Variants in NRXN1 observed in about 807,000 individuals in gnomAD.
NRXN1 encodes the protein neurexin-1.
A neutral mutation model predicts 150.9 loss-of-function variants in NRXN1; 39 were observed. That is an observed-to-expected ratio of 0.26 (90% CI 0.20 to 0.34). The LOEUF (loss-of-function observed/expected upper bound fraction) is 0.34. Among genes scored for constraint, NRXN1 ranks in the 10% least tolerant of loss-of-function variants. The pLI is 1.00. For synonymous variants in NRXN1, 924 were observed against 757.0 expected, an observed-to-expected ratio of 1.22 and a Z score of -3.62; for missense variants, 1,815 against 1,949.9, an observed-to-expected ratio of 0.93 and a Z score of 1.30.
intron 5 of NRXN1, among the ~76,000 whole-genome samples, chr2:50,808,849 C>G (rs1011293656): frequency 2.0e-5 from 3 of 152,108 alleles, no homozygotes; most frequent in Non-Finnish European, 4.4e-5. Context: ...AGAACCATAA[C>G]AAGCTTTAAG....
intron 18 of NRXN1, among the ~76,000 whole-genome samples, chr2:50,189,803 C>T (rs778826705): frequency 2.0e-5 from 3 of 152,090 alleles, no homozygotes; most frequent in African/African-American, 2.4e-5. Flanking sequence ...GGCCTGCAAT[C>T]ATTTAAAGTT....
chr2:50,890,512 G>A (rs894874627), intron 5 of NRXN1, among the ~76,000 whole-genome samples: 3 of 151,592 alleles, frequency 2.0e-5, no homozygotes, highest in African/African-American at 4.8e-5. Flanking sequence ...AATGTGAATC[G>A]TTAGTTTTGT....
intron 8 of NRXN1, among the ~76,000 whole-genome samples, chr2:50,581,840 A>C (rs1672311520): frequency 6.6e-6 from 1 of 152,168 alleles, no homozygotes; most frequent in Non-Finnish European, 1.5e-5. Context: ...AAGAGCATAC[A>C]GTTACTTAGA....
chr2:50,493,929 G>C (rs2091411945), intron 15 of NRXN1, among the ~76,000 whole-genome samples: 1 of 152,110 alleles, frequency 6.6e-6, no homozygotes, highest in Admixed American at 6.5e-5. Flanking sequence ...TACTTACAGT[G>C]TTTTTTCTTT....
intron 5 of NRXN1, among the ~76,000 whole-genome samples, chr2:50,899,543 G>A (rs754151238): frequency 6.6e-6 from 1 of 152,100 alleles, no homozygotes; most frequent in Non-Finnish European, 1.5e-5. Context: ...GTAACCCTGT[G>A]AAGTAACAAG....
intron 17 of NRXN1, among the ~76,000 whole-genome samples, chr2:50,274,386 G>A (rs529806386): frequency 5.9e-5 from 9 of 152,146 alleles, no homozygotes; most frequent in African/African-American, 2.2e-4. Flanking sequence ...CATCCACCAG[G>A]GCCTGCTGGG....
At chr2:50,480,395 C>T (rs1008656715) in intron 15 of NRXN1, among the ~76,000 whole-genome samples, 2 of 152,158 alleles carry the variant, frequency 1.3e-5, no homozygotes, top group Non-Finnish European at 2.9e-5. Flanking sequence ...TGGCTCTATG[C>T]TGCTCCATAT....
intron 17 of NRXN1, among the ~76,000 whole-genome samples, chr2:50,269,039 G>A (rs2069240351): frequency 6.6e-6 from 1 of 151,964 alleles, no homozygotes; most frequent in South Asian, 2.1e-4. Flanking sequence ...TTGTGACATT[G>A]TAGATATGGA....
intron 18 of NRXN1, among the ~76,000 whole-genome samples, chr2:50,208,415 A>G (rs2152841156): frequency 6.6e-6 from 1 of 152,254 alleles, no homozygotes; most frequent in Non-Finnish European, 1.5e-5. Context: ...AAGGAAATAC[A>G]GTTCCGGTCT....
At position 50,538,294 on chromosome 2, in the gene NRXN1, T is replaced by G. The variant is rs754561222; in HGVS notation, c.2102A>C (p.Asp701Ala). 1.2e-6 allele frequency: 2 copies of G among 1,613,902 alleles called. No homozygotes were observed. Among genetic ancestry groups the G allele is most frequent in the East Asian group, 4.5e-5 (2 of 44,872 alleles). Residue 701 changes from aspartate to alanine, a missense_variant, in exon 10 of 23, where the codon GAT (aspartate) becomes GCT (alanine). Physicochemically the swap from Asp to Ala is moderately radical, Grantham distance 126. Coordinates refer to ENST00000401669, the MANE Select transcript of NRXN1 (RefSeq NM_001330078.2). ...CRDGWNRYVC[D>A]CSGTGYLGRS... Reference sequence around the variant, plus strand: ...GCCAAGATAGCCTGTTCCGGAACAATCACAGACATATCTGTTCCACCCATC... The same window carrying G: ...GCCAAGATAGCCTGTTCCGGAACAAGCACAGACATATCTGTTCCACCCATC...
intron 5 of NRXN1, among the ~76,000 whole-genome samples, chr2:50,644,516 A>T (rs879269003): frequency 3.3e-5 from 5 of 151,628 alleles, no homozygotes; most frequent in Non-Finnish European, 5.9e-5. Flanking sequence ...CATCTCTATG[A>T]CCCTACAGTC....
chr2:50,397,312 A>T (rs1006735235), intron 17 of NRXN1, among the ~76,000 whole-genome samples: 17 of 152,076 alleles, frequency 1.1e-4, no homozygotes, highest in Non-Finnish European at 1.3e-4. Context: ...GATGGAAGAC[A>T]CCTAATGCTG....
chr2:50,577,125 G>C (rs1339256960), intron 8 of NRXN1, among the ~76,000 whole-genome samples: 1 of 152,012 alleles, frequency 6.6e-6, no homozygotes, highest in Non-Finnish European at 1.5e-5. Context: ...TTCACCTAAA[G>C]ATGATTCTTG....
chr2:50,447,060 T>C (rs1366426416), intron 17 of NRXN1, among the ~76,000 whole-genome samples: 1 of 152,154 alleles, frequency 6.6e-6, no homozygotes, highest in Non-Finnish European at 1.5e-5. Context: ...ACTGCAACTG[T>C]CATGTAGTGA....
At chr2:50,771,859 T>G (rs541331844) in intron 5 of NRXN1, among the ~76,000 whole-genome samples, 1 of 152,214 alleles carries the variant, frequency 6.6e-6, no homozygotes, top group African/African-American at 2.4e-5. Flanking sequence ...GATAAAGCAG[T>G]AGACAGAATT....
intron 17 of NRXN1, among the ~76,000 whole-genome samples, chr2:50,357,739 C>T (rs1330834186): frequency 6.6e-6 from 1 of 152,126 alleles, no homozygotes; most frequent in Non-Finnish European, 1.5e-5. Flanking sequence ...TGTTTTAGCC[C>T]AATTCACAGT....
intron 5 of NRXN1, among the ~76,000 whole-genome samples, chr2:50,657,312 G>A (rs1686636478): frequency 6.6e-6 from 1 of 152,086 alleles, no homozygotes; most frequent in South Asian, 2.1e-4. Context: ...TTCACTGTGT[G>A]CTCTCTCACC....
intron 5 of NRXN1, among the ~76,000 whole-genome samples, chr2:50,719,591 G>A (rs980722797): frequency 3.3e-5 from 5 of 152,048 alleles, no homozygotes; most frequent in African/African-American, 4.8e-5. Context: ...CAGGAGAATC[G>A]CTTGAACCGG....
chr2:50,292,593 A>C (rs1291033032), intron 17 of NRXN1, among the ~76,000 whole-genome samples: 1 of 152,208 alleles, frequency 6.6e-6, no homozygotes, highest in Non-Finnish European at 1.5e-5. Context: ...GCAAGGATCA[A>C]GACTAAAATA....
Sources: allele counts gnomAD v4.1 joint callset (sites outside exome capture counted in the v4.1 genomes callset), GRCh38; gene constraint gnomAD v4.1.1; transcripts MANE v1.5; gene names NCBI Gene and HGNC (gene_info 2026-07-23, HGNC 2026-07-21).